Variants in CEP120 observed in about 807,000 individuals in gnomAD.
CEP120 encodes the protein centrosomal protein of 120 kDa.
In CEP120, 113 loss-of-function variants were observed where a neutral mutation model predicts 126.5. The observed-to-expected ratio is 0.89, with a 90% CI of 0.77 to 1.04. CEP120 has a LOEUF of 1.04. Ranked by LOEUF, CEP120 falls within the 50% of genes least tolerant of loss-of-function variation. The probability of loss-of-function intolerance (pLI) is 0.00; values close to 1 mark genes in which losing one functional copy is unlikely to be tolerated. For synonymous variants in CEP120, 400 were observed against 394.3 expected (o/e 1.01, Z -0.17); for missense variants, 1,230 against 1,155.7 (o/e 1.06, Z -0.93).
At chr5:123,416,828 T>C (rs1287594736) in intron 2 of CEP120, among the ~76,000 whole-genome samples, 1 of 152,012 alleles carries the variant, frequency 6.6e-6, no homozygotes, top group East Asian at 1.9e-4. Flanking sequence ...AAATTACAAA[T>C]ACAAATACAT....
intron 18 of CEP120, among the ~76,000 whole-genome samples, chr5:123,360,709 A>G (rs1044287836): frequency 6.6e-6 from 1 of 151,836 alleles, no homozygotes; most frequent in Non-Finnish European, 1.5e-5. Flanking sequence ...ATTAAATGGA[A>G]AAAAGATCCA....
rs538408524 is a variant in CEP120, at chr5:123,391,084, G to A, written c.1038+26C>T. 1.7e-5 allele frequency: 26 copies of A among 1,557,624 alleles called. No individual in the cohort carries two copies. The South Asian group carries it at 2.3e-4, about 14-fold the overall frequency. On this transcript the variant is annotated intron_variant, in intron 7 of 19. Coordinates refer to ENST00000306467, the MANE Select transcript of CEP120 (RefSeq NM_001375405.1). ...TCATGCATGGGACTAGTGAAGCCAG[G>A]GGAATGAAGGAGGGCCACTACTTGC...
At chr5:123,419,912 G>C (rs7707090) in intron 1 of CEP120, among the ~76,000 whole-genome samples, 1 of 151,946 alleles carries the variant, frequency 6.6e-6, no homozygotes, top group Non-Finnish European at 1.5e-5. Context: ...TAGTTCTCTT[G>C]TTTATAAATC....
intron 10 of CEP120, among the ~76,000 whole-genome samples, chr5:123,386,036 G>C (rs1404993848): frequency 6.6e-6 from 1 of 152,010 alleles, no homozygotes; most frequent in African/African-American, 2.4e-5. Flanking sequence ...GTGATACTCT[G>C]AGAAAGTAAA....
chr5:123,363,075 C>A (rs181531558), intron 18 of CEP120, among the ~76,000 whole-genome samples: 1 of 151,516 alleles, frequency 6.6e-6, no homozygotes, highest in Admixed American at 6.6e-5. Context: ...AAAACGGGCC[C>A]TCCTCTGTTT....
chr5:123,417,687 T>C (rs1432900885), intron 2 of CEP120, among the ~76,000 whole-genome samples: 1 of 151,672 alleles, frequency 6.6e-6, no homozygotes, highest in Non-Finnish European at 1.5e-5. Context: ...AAGGTATTTC[T>C]AGAATATCTA....
At position 123,388,524 on chromosome 5, in the gene CEP120, A is replaced by T. The variant is rs1392366409; in HGVS notation, c.1338T>A (p.Ala446=). ...ASEVASGQKI[A]VPATSHHFCF... ...AAAAATGATGTGATGTTGCTGGTACAGCAATCTTCTGTCCTGAAGCTACTT... is the reference window on the plus strand; with the variant it reads ...AAAAATGATGTGATGTTGCTGGTACTGCAATCTTCTGTCCTGAAGCTACTT... Residue 446 remains alanine (A), a synonymous_variant, in exon 9 of 20, where the codon GCT becomes GCA. Transcript: ENST00000306467. 1 of 1,611,534 alleles carries T rather than the reference A, an allele frequency of 6.2e-7. No individual in the cohort carries two copies. The highest frequency in any genetic ancestry group is 8.5e-7 in the Non-Finnish European group (1 of 1,179,162).
At chr5:123,399,996 T>C (rs138200050) in intron 4 of CEP120, among the ~76,000 whole-genome samples, 2 of 152,282 alleles carry the variant, frequency 1.3e-5, no homozygotes, top group African/African-American at 4.8e-5. Flanking sequence ...ATATCCAATG[T>C]TGAGGAGAAC....
intron 2 of CEP120, among the ~76,000 whole-genome samples, chr5:123,417,436 C>T (rs1774458465): frequency 6.6e-6 from 1 of 151,882 alleles, no homozygotes; most frequent in Admixed American, 6.6e-5. Flanking sequence ...TTGCCTGCTT[C>T]TAGTCAGAGT....
chr5:123,366,105 C>A lies in CEP120; in HGVS notation c.2482-1511G>T, dbSNP rs10478578. ...CCTGTAGCTAAGTAAATCTGAGACACAAACCTCATTCTTCTAATTCATTCC... is the reference window on the plus strand; with the variant it reads ...CCTGTAGCTAAGTAAATCTGAGACAAAAACCTCATTCTTCTAATTCATTCC... On this transcript the variant is annotated intron_variant, in intron 17 of 19. Transcript: ENST00000306467. 2.6e-3 allele frequency among the ~76,000 whole-genome samples: 389 copies of A among 151,870 alleles called. 4 individuals are homozygous for A. Among genetic ancestry groups the A allele is most frequent in the African/African-American group, 8.8e-3 (367 of 41,484 alleles).
chr5:123,412,549 TAATAA>T lies in CEP120; in HGVS notation c.322-14_322-10del, dbSNP rs764027060. 1 of 1,578,738 alleles carries T rather than the reference TAATAA, an allele frequency of 6.3e-7. No homozygotes were observed. The highest frequency in any genetic ancestry group is 1.2e-5 in the South Asian group (1 of 84,506). ...TGGTACCATTTTGGTGCCTAGAGAA[TAATAA>T]AATAACAAAACACCTAATAGTTAAT... On this transcript the variant is annotated splice_polypyrimidine_tract_variant and intron_variant, in intron 3 of 19. Transcript: ENST00000306467.
chr5:123,389,781 T>G, intron 8 of CEP120, 143 bp downstream of exon 8: 5 of 697,102 alleles, frequency 7.2e-6, no homozygotes, highest in Non-Finnish European at 1.2e-5. Context: ...ATTACAGGCG[T>G]GAGCCACCGT....
chr5:123,417,514 T>G lies in CEP120; in HGVS notation c.206+845A>C, dbSNP rs376094804. ...CTAATAAAGTGGTTTTGTTTAAAAT[T>G]AAATATAAATTAATTAGAAAGAAAC... is the stretch of plus-strand genomic sequence containing the variant. On this transcript the variant is annotated intron_variant, in intron 2 of 19. Transcript: ENST00000306467. Among the ~76,000 whole-genome samples, 162 of 152,214 alleles carry G rather than the reference T, an allele frequency of 1.1e-3. 2 individuals carry two copies. In the South Asian group the frequency reaches 0.033, roughly 31 times the overall value.
intron 18 of CEP120, among the ~76,000 whole-genome samples, chr5:123,364,092 G>C (rs187415286): frequency 4.6e-5 from 7 of 151,546 alleles, no homozygotes; most frequent in African/African-American, 1.4e-4. Flanking sequence ...TTTCTTGACT[G>C]AATTACTGTG....
At chr5:123,350,332 G>T (rs1396434888) in intron 18 of CEP120, among the ~76,000 whole-genome samples, 3 of 152,142 alleles carry the variant, frequency 2.0e-5, no homozygotes, top group Non-Finnish European at 4.4e-5. Flanking sequence ...TCCTGCTTCG[G>T]CCTCTGGGCC....
chr5:123,370,063 C>G (rs1218321893), intron 17 of CEP120, among the ~76,000 whole-genome samples: 1 of 151,974 alleles, frequency 6.6e-6, no homozygotes, highest in East Asian at 1.9e-4. Context: ...GTTGGTTCAT[C>G]ATCATGAATA....
At position 123,422,949 on chromosome 5, in the gene CEP120, C is replaced by T; in HGVS notation, c.49+1G>A. The T allele has an allele frequency of 1.2e-6, 2 of 1,614,052 alleles. No individual in the cohort carries two copies. The highest frequency in any genetic ancestry group is 1.7e-6 in the Non-Finnish European group (2 of 1,179,906). On this transcript the variant is annotated splice_donor_variant, in intron 1 of 19. Coordinates refer to ENST00000306467, the MANE Select transcript of CEP120 (RefSeq NM_001375405.1). LOFTEE classifies it high-confidence loss of function. ...GCAAAAGCAAGCCTCAGGCTGCTCA[C>T]CTTCTAGGATGGACACGACGATGAG...
intron 4 of CEP120, among the ~76,000 whole-genome samples, chr5:123,411,045 A>C (rs1406632735): frequency 6.6e-6 from 1 of 152,228 alleles, no homozygotes; most frequent in East Asian, 1.9e-4. Context: ...ACCTCAAAGA[A>C]GATACACACA....
intron 18 of CEP120, among the ~76,000 whole-genome samples, chr5:123,363,424 C>A (rs1295298853): frequency 1.3e-5 from 2 of 151,512 alleles, no homozygotes; most frequent in Non-Finnish European, 3.0e-5. Flanking sequence ...TATATTTACA[C>A]CTGGTATAAT....
Sources: allele counts gnomAD v4.1 joint callset (sites outside exome capture counted in the v4.1 genomes callset), GRCh38; gene constraint gnomAD v4.1.1; transcripts MANE v1.5; gene names NCBI Gene and HGNC (gene_info 2026-07-23, HGNC 2026-07-21).